PRELID2: variants seen among roughly 807,000 people sequenced by gnomAD.
PRELID2 encodes the protein PRELI domain containing 2, also known as PRELI domain-containing protein 2.
Under a neutral mutation model 28.4 loss-of-function variants are expected in PRELID2, and 25 were observed. The observed-to-expected ratio is 0.88, with a 90% confidence interval of 0.64 to 1.23. PRELID2 has a LOEUF of 1.23. Ranked by LOEUF, PRELID2 falls within the 50% of genes most tolerant of loss-of-function variation. The probability of loss-of-function intolerance (pLI) is 0.00; values close to 1 mark genes in which losing one functional copy is unlikely to be tolerated. For missense variants in PRELID2, 201 were observed against 214.4 expected (o/e 0.94, Z 0.39); for synonymous variants, 76 against 71.6 (o/e 1.06, Z -0.31).
chr5:145,341,295 A>G, the PRELID2 span, among the ~76,000 whole-genome samples: 1 of 152,180 alleles, frequency 6.6e-6, no homozygotes, highest in Non-Finnish European at 1.5e-5. Context: ...AATACTTCAA[A>G]ATATTAATTT....
chr5:145,317,038 A>G, the PRELID2 span, among the ~76,000 whole-genome samples: 1 of 152,350 alleles, frequency 6.6e-6, no homozygotes, highest in Middle Eastern at 3.4e-3. Flanking sequence ...CAAGAGTGAT[A>G]GAAGAAAATG....
At chr5:145,254,031 C>T in the PRELID2 span, among the ~76,000 whole-genome samples, 5 of 151,812 alleles carry the variant, frequency 3.3e-5, no homozygotes, top group Admixed American at 6.6e-5. Flanking sequence ...ACACACATAA[C>T]GACAAGAAGG....
rs3038407 is a variant in PRELID2, at chr5:145,790,891, G to GTATATATA, written c.474+5543_474+5550dup. Reference sequence around the variant, plus strand: ...ATTAATCCAGCAATTTCACTTCTGGGTATATATATATATATATATACCAAA... The same window carrying GTATATATA: ...ATTAATCCAGCAATTTCACTTCTGGGTATATATATATATATATATATATATATACCAAA... On this transcript the variant is annotated intron_variant, in intron 5 of 6. Transcript: ENST00000683046. Among the ~76,000 whole-genome samples the GTATATATA allele has an allele frequency of 2.7e-3, 383 of 141,384 alleles. 1 individual carries two copies. Among genetic ancestry groups the GTATATATA allele is most frequent in the East Asian group, 6.2e-3 (30 of 4,814 alleles). 92.8% of individuals were successfully genotyped at this position (141,384 alleles called of 152,430 possible).
the PRELID2 span, among the ~76,000 whole-genome samples, chr5:145,448,822 A>G: frequency 6.6e-6 from 1 of 152,304 alleles, no homozygotes; most frequent in South Asian, 2.1e-4. Flanking sequence ...GGGTCATAGT[A>G]ACTTACACAT....
At position 145,650,523 on chromosome 5, in the gene PRELID2, CATATATACATATAT is replaced by C. The variant is rs1182546399; in HGVS notation, n.70+114394_70+114407del. The stretch of plus-strand genomic sequence containing the variant: ...TGAATTTTGAGCATATCGAATCGCA[CATATATACATATAT>C]ATATATATATATATATATATATATA... On this transcript the variant is annotated intron_variant and non_coding_transcript_variant, in intron 1 of 2. Transcript: ENST00000510259. 9.0e-3 allele frequency among the ~76,000 whole-genome samples: 827 copies of C among 91,700 alleles called. 5 individuals carry two copies. Among genetic ancestry groups the C allele is most frequent in the African/African-American group, 0.021 (492 of 23,148 alleles). 60.2% of individuals were successfully genotyped at this position (91,700 alleles called of 152,430 possible).
At chr5:145,391,684 G>GTT in the PRELID2 span, among the ~76,000 whole-genome samples, 10 of 137,206 alleles carry the variant, frequency 7.3e-5, no homozygotes, top group Non-Finnish European at 8.0e-5. Flanking sequence ...AAAATGTTTT[G>GTT]TTTTTTTTTT....
the PRELID2 span, among the ~76,000 whole-genome samples, chr5:145,427,595 T>C: frequency 6.6e-6 from 1 of 152,196 alleles, no homozygotes; most frequent in Non-Finnish European, 1.5e-5. Flanking sequence ...GTCCCTGCTG[T>C]GAACCAGGCA....
chr5:145,387,838 G>A, the PRELID2 span, among the ~76,000 whole-genome samples: 2 of 151,698 alleles, frequency 1.3e-5, no homozygotes, highest in African/African-American at 2.4e-5. Context: ...AGGCTGAGGT[G>A]GGAGGATTGC....
At chr5:145,418,295 T>A in the PRELID2 span, among the ~76,000 whole-genome samples, 1 of 152,176 alleles carries the variant, frequency 6.6e-6, no homozygotes, top group Non-Finnish European at 1.5e-5. Flanking sequence ...ATCAATATCA[T>A]GAAAATGGCC....
At chr5:145,407,102 A>G in the PRELID2 span, among the ~76,000 whole-genome samples, 2 of 152,168 alleles carry the variant, frequency 1.3e-5, no homozygotes, top group Non-Finnish European at 2.9e-5. Flanking sequence ...TGGGGAGCAA[A>G]TGGGAAGTAC....
At chr5:145,834,314 G>A (rs982416513) in intron 1 of PRELID2, among the ~76,000 whole-genome samples, 1 of 151,514 alleles carries the variant, frequency 6.6e-6, no homozygotes, top group African/African-American at 2.4e-5. Flanking sequence ...CCCATTCCTG[G>A]GAGCAACTGG....
chr5:145,265,465 C>A, the PRELID2 span, among the ~76,000 whole-genome samples: 7 of 152,012 alleles, frequency 4.6e-5, no homozygotes, highest in Non-Finnish European at 7.4e-5. Flanking sequence ...CTAGAAAAAA[C>A]AATCATAAAA....
intron 1 of PRELID2, among the ~76,000 whole-genome samples, chr5:145,653,804 C>A (rs1480707326): frequency 6.6e-6 from 1 of 152,124 alleles, no homozygotes; most frequent in East Asian, 1.9e-4. Flanking sequence ...CAGGAAAGAT[C>A]TAAAATTGAC....
At chr5:145,337,652 G>A in the PRELID2 span, among the ~76,000 whole-genome samples, 2 of 140,374 alleles carry the variant, frequency 1.4e-5, no homozygotes, top group Non-Finnish European at 1.5e-5. Flanking sequence ...AAAGGATACA[G>A]ATGAACAGCC....
At chr5:145,741,040 G>T (rs1756701743) in intron 1 of PRELID2, among the ~76,000 whole-genome samples, 1 of 112,592 alleles carries the variant, frequency 8.9e-6, no homozygotes, top group South Asian at 2.7e-4. Flanking sequence ...TTATATATTT[G>T]TATACAAATA....
intron 6 of PRELID2, among the ~76,000 whole-genome samples, chr5:145,763,159 C>CA (rs1351337468): frequency 2.0e-5 from 3 of 152,222 alleles, no homozygotes; most frequent in African/African-American, 7.2e-5. Flanking sequence ...GGAGACCCCT[C>CA]ATTCCCTCAT....
chr5:145,792,112 T>G (rs1156974508), intron 5 of PRELID2, among the ~76,000 whole-genome samples: 2 of 152,094 alleles, frequency 1.3e-5, no homozygotes, highest in Non-Finnish European at 2.9e-5. Flanking sequence ...CTCACTCTGG[T>G]TATATCAAGA....
At chr5:145,264,192 CA>C in the PRELID2 span, among the ~76,000 whole-genome samples, 1 of 151,438 alleles carries the variant, frequency 6.6e-6, no homozygotes, top group Non-Finnish European at 1.5e-5. Context: ...AAGGACATAA[CA>C]AAAAAAACAA....
At chr5:145,387,346 G>A in the PRELID2 span, among the ~76,000 whole-genome samples, 1 of 152,112 alleles carries the variant, frequency 6.6e-6, no homozygotes, top group East Asian at 1.9e-4. Context: ...ATATAATAAT[G>A]GAAGGGATGA....
Sources: gnomAD v4.1 joint callset for allele counts (sites outside exome capture counted in the v4.1 genomes callset) on GRCh38, gnomAD v4.1.1 for gene constraint, MANE v1.5 for transcripts, NCBI Gene and HGNC (gene_info 2026-07-23, HGNC 2026-07-21) for gene names.